FYB1: variants seen among roughly 807,000 people sequenced by gnomAD.
FYB1 encodes FYN binding protein 1, also known as FYN-binding protein 1.
In FYB1, 41 loss-of-function variants were observed where a neutral mutation model predicts 94.1. That is an observed-to-expected ratio of 0.44 (90% CI 0.34 to 0.57). FYB1 has a LOEUF of 0.57. Ranked by LOEUF, FYB1 falls within the 20% of genes least tolerant of loss-of-function variation. The pLI, the probability that FYB1 is intolerant of heterozygous loss-of-function variation, is 0.02. For synonymous variants in FYB1, 367 were observed against 353.2 expected (o/e 1.04, Z -0.44); for missense variants, 1,050 against 976.8 (o/e 1.07, Z -1.00).
At chr5:39,129,275 A>G (rs1045569240) in intron 10 of FYB1, among the ~76,000 whole-genome samples, 5 of 151,988 alleles carry the variant, frequency 3.3e-5, no homozygotes, top group Admixed American at 2.0e-4. Flanking sequence ...GAATAAAACT[A>G]GGCGCCATCT....
At chr5:39,121,096 G>GTTTATTTTGTT (rs1740049815) in intron 14 of FYB1, among the ~76,000 whole-genome samples, 2 of 143,780 alleles carry the variant, frequency 1.4e-5, no homozygotes, top group Middle Eastern at 3.7e-3. Context: ...GTTAGCTGGG[G>GTTTATTTTGTT]TTTATTTTGT....
intron 12 of FYB1, 56 bp downstream of exon 12, chr5:39,125,942 A>C (rs1740621814): frequency 1.3e-6 from 2 of 1,532,428 alleles, no homozygotes; most frequent in Non-Finnish European, 1.8e-6. Flanking sequence ...GTAGCATTTG[A>C]TTCAATACAT....
intron 18 of FYB1, 123 bp from the exon 19 acceptor site, chr5:39,107,588 T>C: frequency 2.0e-6 from 1 of 499,202 alleles, no homozygotes. Context: ...TAGAACTGGC[T>C]CACTTTATAA....
intron 2 of FYB1, among the ~76,000 whole-genome samples, chr5:39,198,539 T>C (rs1171402966): frequency 6.6e-6 from 1 of 152,224 alleles, no homozygotes; most frequent in African/African-American, 2.4e-5. Flanking sequence ...TTTATGACAG[T>C]TCAAATTAAT....
At chr5:39,221,905 G>A (rs913946243), upstream of FYB1, among the ~76,000 whole-genome samples, 1 of 152,136 alleles carries the variant, frequency 6.6e-6, no homozygotes, top group Admixed American at 6.5e-5. Flanking sequence ...GGAGGCTGAG[G>A]CAGGAGAATT....
intron 1 of FYB1, chr5:39,250,726 G>C (rs969121258): frequency 2.0e-5 from 3 of 152,142 alleles, no homozygotes; most frequent in African/African-American, 7.2e-5. Context: ...GGGCGGGCGA[G>C]ATCTTATCAC....
rs543092616 is a variant in FYB1, at chr5:39,213,150, A to G, written c.-28+6293T>C. The G allele has an allele frequency of 5.3e-5, 8 of 152,228 alleles. No individual in the cohort carries two copies. In the South Asian group the frequency reaches 1.5e-3, roughly 28 times the overall value. The allele number at this position is 152,228 out of a possible 1,614,324, so 9.4% of individuals were successfully genotyped here. Reference sequence around the variant, plus strand: ...ATCACATTTTAAAATAACATTTCACATATAATATCTCATTTGATCCTCCCA... The same window carrying G: ...ATCACATTTTAAAATAACATTTCACGTATAATATCTCATTTGATCCTCCCA... On this transcript the variant is annotated intron_variant, in intron 1 of 18. Transcript: ENST00000512982.
At chr5:39,170,740 C>T (rs376506467) in intron 2 of FYB1, among the ~76,000 whole-genome samples, 1 of 152,250 alleles carries the variant, frequency 6.6e-6, no homozygotes, top group East Asian at 1.9e-4. Context: ...ATTTCAATGT[C>T]TTCCTATCAT....
chr5:39,190,260 A>C lies in FYB1; in HGVS notation c.1135+11566T>G, dbSNP rs1375757354. Among the ~76,000 whole-genome samples, 23 of 152,228 alleles carry C rather than the reference A, an allele frequency of 1.5e-4. 1 individual carries two copies. The highest frequency in any genetic ancestry group is 1.5e-3 in the Admixed American group (23 of 15,284). ...AAGGGAGATTTGCAATGATGGTTGA[A>C]GGAATAAAAAAGAATTAAGATTTTT... On this transcript the variant is annotated intron_variant, in intron 2 of 18. Coordinates refer to ENST00000512982, the MANE Select transcript of FYB1 (RefSeq NM_001465.6).
intron 1 of FYB1, among the ~76,000 whole-genome samples, chr5:39,242,715 A>G (rs1228933171): frequency 6.6e-6 from 1 of 152,206 alleles, no homozygotes; most frequent in Admixed American, 6.5e-5. Context: ...GAATCACCAC[A>G]CTGTCATCCA....
At chr5:39,257,340 A>G (rs576614944) in intron 1 of FYB1, among the ~76,000 whole-genome samples, 13 of 152,324 alleles carry the variant, frequency 8.5e-5, no homozygotes, top group African/African-American at 2.4e-4. Context: ...TGAAAAAAAG[A>G]GAAATACCCT....
At chr5:39,261,056 G>A (rs1752186915) in intron 1 of FYB1, among the ~76,000 whole-genome samples, 1 of 152,038 alleles carries the variant, frequency 6.6e-6, no homozygotes, top group African/African-American at 2.4e-5. Context: ...CTTAGAGATT[G>A]TTAGACAGCA....
At chr5:39,210,754 T>A (rs10473131) in intron 1 of FYB1, among the ~76,000 whole-genome samples, 2 of 152,234 alleles carry the variant, frequency 1.3e-5, no homozygotes, top group African/African-American at 4.8e-5. Flanking sequence ...TGCATTCCTG[T>A]GGTCCTAGCT....
intron 3 of FYB1, among the ~76,000 whole-genome samples, chr5:39,147,767 G>A (rs1368641431): frequency 1.4e-5 from 2 of 139,372 alleles, no homozygotes; most frequent in Non-Finnish European, 3.0e-5. Flanking sequence ...TGCAAGCTCC[G>A]CCTCCCAGGT....
intron 1 of FYB1, among the ~76,000 whole-genome samples, chr5:39,268,053 T>C (rs557116016): frequency 2.0e-5 from 3 of 152,140 alleles, no homozygotes; most frequent in Non-Finnish European, 4.4e-5. Context: ...ATTAAAGATA[T>C]TTTAAATAAA....
intron 16 of FYB1, among the ~76,000 whole-genome samples, chr5:39,117,457 A>T (rs1739682139): frequency 6.6e-6 from 1 of 152,146 alleles, no homozygotes; most frequent in Admixed American, 6.5e-5. Flanking sequence ...CGCAAATCCT[A>T]GTCTGAATGG....
chr5:39,229,818 C>T (rs148307907), intron 1 of FYB1, among the ~76,000 whole-genome samples: 430 of 152,224 alleles, frequency 2.8e-3, no homozygotes, highest in Non-Finnish European at 5.0e-3. Flanking sequence ...AGATCCACTT[C>T]GTTAAATACA....
At chr5:39,260,269 G>T (rs893164982) in intron 1 of FYB1, among the ~76,000 whole-genome samples, 6 of 138,254 alleles carry the variant, frequency 4.3e-5, no homozygotes, top group Non-Finnish European at 9.3e-5. Flanking sequence ...GGTAAATCCA[G>T]ACTGACATCC....
intron 2 of FYB1, among the ~76,000 whole-genome samples, chr5:39,176,733 T>C (rs1002193877): frequency 2.2e-4 from 34 of 152,218 alleles, no homozygotes; most frequent in Non-Finnish European, 3.5e-4. Flanking sequence ...TTTTCAGAAA[T>C]GAGGCTTTTT....
Sources: allele counts gnomAD v4.1 joint callset (sites outside exome capture counted in the v4.1 genomes callset), GRCh38; gene constraint gnomAD v4.1.1; transcripts MANE v1.5; gene names NCBI Gene and HGNC (gene_info 2026-07-23, HGNC 2026-07-21).